The following PZP variants were observed in gnomAD, a reference collection of about 807,000 sequenced individuals.
PZP encodes the protein PZP alpha-2-macroglobulin like.
PZP carries 150 observed loss-of-function variants against 179.8 expected under a neutral mutation model. That is an observed-to-expected ratio of 0.83 (90% CI 0.73 to 0.96). The LOEUF is 0.96. PZP is among the 40% of genes least tolerant of loss of function. The pLI is 0.00. For synonymous variants in PZP, 624 were observed against 652.3 expected, an observed-to-expected ratio of 0.96 and a Z score of 0.66; for missense variants, 1,689 against 1,764.0, an observed-to-expected ratio of 0.96 and a Z score of 0.76.
intron 14 of PZP, 53 bp from the exon 15 acceptor site, chr12:9,181,185 T>C: frequency 6.2e-7 from 1 of 1,609,624 alleles, no homozygotes; most frequent in Non-Finnish European, 8.5e-7. Context: ...TCTGTGATCT[T>C]GCAGTCACCT....
intron 25 of PZP, 89 bp from the exon 26 acceptor site, chr12:9,158,665 G>A: frequency 7.5e-7 from 1 of 1,333,444 alleles, no homozygotes; most frequent in African/African-American, 1.5e-5. Flanking sequence ...CCATCACAGT[G>A]TGCACCCAAG....
intron 14 of PZP, among the ~76,000 whole-genome samples, chr12:9,181,651 A>G (rs1942767446): frequency 6.6e-6 from 1 of 152,218 alleles, no homozygotes. Context: ...TCTCTGACAC[A>G]TGATAAGGTA....
intron 33 of PZP, 40 bp from the exon 34 acceptor site, chr12:9,150,786 C>G (rs767409028): frequency 8.1e-7 from 1 of 1,241,038 alleles, no homozygotes; most frequent in Non-Finnish European, 1.2e-6. Flanking sequence ...CCTAGAAAAC[C>G]TCCTTCTTTC....
the PZP span, among the ~76,000 whole-genome samples, chr12:9,136,624 G>C: frequency 6.6e-6 from 1 of 152,160 alleles, no homozygotes; most frequent in African/African-American, 2.4e-5. Context: ...CATAGCAGTT[G>C]CACCATTTTG....
chr12:9,160,395 T>C lies in PZP; in HGVS notation c.2968A>G (p.Ile990Val). ...EQNMVLFAPN[I>V]YVLNYLNETQ... ...TCATTCAGATAGTTCAAGACATAGA[T>C]GTTAGGAGCAAATAGGACCATGTTC... is the stretch of plus-strand genomic sequence containing the variant. The change falls in exon 24 of 36, where the codon ATC becomes GTC. Residue 990 changes from isoleucine (I) to valine (V), a missense_variant. Transcript: ENST00000261336. The C allele has an allele frequency of 6.2e-7, 1 of 1,614,138 alleles. No homozygotes were observed. Among genetic ancestry groups the C allele is most frequent in the Non-Finnish European group, 8.5e-7 (1 of 1,179,982 alleles).
At chr12:9,202,217 A>T in intron 4 of PZP, 102 bp downstream of exon 4, 1 of 1,085,316 alleles carries the variant, frequency 9.2e-7, no homozygotes, top group East Asian at 2.4e-5. Flanking sequence ...GTTCAAAAAC[A>T]AGTGTCTTTC....
At position 9,203,912 on chromosome 12, in the gene PZP, C is replaced by T; in HGVS notation, c.123G>A (p.Glu41=). Residue 41 remains glutamate (E), a synonymous_variant, in exon 2 of 36, where the codon GAG becomes GAA. Coordinates refer to ENST00000261336, the MANE Select transcript of PZP (RefSeq NM_002864.3). ...GAAGGACACAGCCCTTCTTAGGGGCCTCAGTGTGGAGCAGGGAGGGGACCA... is the reference window on the plus strand; with the variant it reads ...GAAGGACACAGCCCTTCTTAGGGGCTTCAGTGTGGAGCAGGGAGGGGACCA... ...MVLVPSLLHT[E]APKKGCVLLS... The T allele has an allele frequency of 6.2e-7, 1 of 1,614,052 alleles. No individual in the cohort carries two copies. Among genetic ancestry groups the T allele is most frequent in the Non-Finnish European group, 8.5e-7 (1 of 1,179,958 alleles).
intron 19 of PZP, among the ~76,000 whole-genome samples, chr12:9,164,735 T>A (rs1359270131): frequency 6.6e-6 from 1 of 152,192 alleles, no homozygotes; most frequent in African/African-American, 2.4e-5. Flanking sequence ...TATTACATAA[T>A]TTACAAAGAG....
chr12:9,153,334 C>A lies in PZP; in HGVS notation c.3784G>T (p.Val1262Leu), dbSNP rs1394317597. Residue 1262 changes from valine to leucine, a missense_variant, in exon 30 of 36, where the codon GTG (valine) becomes TTG (leucine). Physicochemically the swap from Val to Leu is conservative, Grantham distance 32. This residue lies in a region of PZP where 746 missense variants were observed against 749.2 expected (regional missense o/e 1.00). Transcript: ENST00000261336. ...TACCTGGACAGGGCATGGAGAGCCA[C>A]CACTGTGTCCTGGAAGAGACGAGTG... ...GGFSSTQDTV[V>L]ALHALSRYGA... 44 of 1,613,726 alleles carry A rather than the reference C, an allele frequency of 2.7e-5. No individual in the cohort carries two copies. The highest frequency in any genetic ancestry group is 3.3e-4 in the Middle Eastern group (2 of 5,976).
chr12:9,146,991 T>C (rs917120034), downstream of PZP, among the ~76,000 whole-genome samples: 3 of 152,130 alleles, frequency 2.0e-5, no homozygotes, highest in African/African-American at 7.2e-5. Context: ...AGGGGAAGGA[T>C]TAATGGCATC....
chr12:9,180,913 C>G, intron 15 of PZP, 70 bp downstream of exon 15: 4 of 1,526,460 alleles, frequency 2.6e-6, no homozygotes, highest in South Asian at 1.3e-5. Flanking sequence ...TGACAAAGGG[C>G]TAATAGAGGC....
Position 9,165,353 on chromosome 12 carries a change from G to A in PZP, c.2273C>T (p.Ala758Val), listed in dbSNP as rs759688552. The change falls in exon 19 of 36, where the codon GCT becomes GTT. Residue 758 changes from alanine (A) to valine (V), a missense_variant. By Grantham distance (64) the Ala-to-Val change is moderately conservative. Around this residue, in one of 3 missense-constraint regions of PZP, gnomAD observed 201 missense variants for 284.2 expected, o/e 0.71. Coordinates refer to ENST00000261336, the MANE Select transcript of PZP (RefSeq NM_002864.3). ...GTCAGGGACTGTTACTCCTACCTCA[G>A]CCACACCTGATGAGCTGGGGAGGAG... is the stretch of plus-strand genomic sequence containing the variant. ...ELVAVNSSGV[A>V]EVGVTVPDTI... The A allele has an allele frequency of 5.6e-6, 9 of 1,614,044 alleles. No individual in the cohort carries two copies. The highest frequency in any genetic ancestry group is 6.8e-6 in the Non-Finnish European group (8 of 1,179,912).
chr12:9,154,611 C>G lies in PZP; in HGVS notation c.3774+5G>C. On this transcript the variant is annotated splice_donor_5th_base_variant and intron_variant, in intron 29 of 35. Coordinates refer to ENST00000261336, the MANE Select transcript of PZP (RefSeq NM_002864.3). ...GGAGCAGAAGACTCTTTGGGAACCA[C>G]TGACCTGGGTGGAGGAGAAACCACC... The G allele has an allele frequency of 6.2e-7, 1 of 1,613,704 alleles. No homozygotes were observed. The highest frequency in any genetic ancestry group is 1.1e-5 in the South Asian group (1 of 90,988).
In PZP at chr12:9,154,824, C is replaced by T; in HGVS notation, c.3566G>A (p.Trp1189Ter). The change falls in exon 29 of 36, where the codon TGG becomes TAG. Residue 1189 changes from tryptophan (W) to a stop codon, truncating the protein, a stop_gained. Transcript: ENST00000261336. LOFTEE classifies it high-confidence loss of function. ...TGCCTTGGGTCTCTGAGGGCGCTCC[C>T]AATGGACGAGGTTGTCTTAAGGGTG... ...EAVKEDNLVH[W>*]ERPQRPKAPV... 6.2e-7 allele frequency: 1 copy of T among 1,613,898 alleles called. No homozygotes were observed. The highest frequency in any genetic ancestry group is 1.1e-5 in the South Asian group (1 of 91,032).
chr12:9,140,263 TA>T, the PZP span, among the ~76,000 whole-genome samples: 99 of 152,186 alleles, frequency 6.5e-4, no homozygotes, highest in Non-Finnish European at 7.9e-4. Flanking sequence ...GGCATAGTAG[TA>T]GGGGGGGGCC....
At chr12:9,188,426 G>C (rs1228126781) in intron 13 of PZP, among the ~76,000 whole-genome samples, 1 of 152,070 alleles carries the variant, frequency 6.6e-6, no homozygotes, top group African/African-American at 2.4e-5. Context: ...ATACTGAATG[G>C]GCAAAAGCTG....
rs1420233382 is a variant in PZP at position 9,197,648 on chromosome 12, A to T, written c.756-525T>A. ...TATTATATTATATATTATATTATATAATATAATATAAAATTATTATATATA... is the reference window on the plus strand; with the variant it reads ...TATTATATTATATATTATATTATATTATATAATATAAAATTATTATATATA... On this transcript the variant is annotated intron_variant, in intron 7 of 35. Coordinates refer to ENST00000261336, the MANE Select transcript of PZP (RefSeq NM_002864.3). Among the ~76,000 whole-genome samples, 27 of 99,414 alleles carry T rather than the reference A, an allele frequency of 2.7e-4. 1 individual carries two copies. Among genetic ancestry groups the T allele is most frequent in the South Asian group, 2.2e-3 (8 of 3,584 alleles). The allele number at this position is 99,414 out of a possible 152,430, so 65.2% of individuals were successfully genotyped here. A position where few individuals can be genotyped will look rare whatever the true frequency, so the allele number is the denominator to read the frequency against.
At chr12:9,205,873 C>T (rs1007009715) in intron 1 of PZP, among the ~76,000 whole-genome samples, 1 of 152,096 alleles carries the variant, frequency 6.6e-6, no homozygotes, top group African/African-American at 2.4e-5. Flanking sequence ...GAATGTGGAA[C>T]TCAAATTTGG....
At chr12:9,186,170 G>A (rs1470420483) in intron 13 of PZP, among the ~76,000 whole-genome samples, 1 of 152,118 alleles carries the variant, frequency 6.6e-6, no homozygotes, top group Non-Finnish European at 1.5e-5. Flanking sequence ...AACTTCATAA[G>A]TGAAGGAGAA....
Sources: allele counts gnomAD v4.1 joint callset (sites outside exome capture counted in the v4.1 genomes callset), GRCh38; gene constraint gnomAD v4.1.1; regional missense constraint gnomAD v4.1.1; transcripts MANE v1.5; gene names NCBI Gene and HGNC (gene_info 2026-07-23, HGNC 2026-07-21).